UNC45A: variants seen among roughly 807,000 people sequenced by gnomAD.
The protein encoded by UNC45A is protein unc-45 homolog A.
UNC45A carries 78 observed loss-of-function variants against 103.2 expected under a neutral mutation model. That is an observed-to-expected ratio of 0.76 (90% CI 0.63 to 0.91). The LOEUF (loss-of-function observed/expected upper bound fraction) is 0.91, where lower values mean the gene tolerates loss of function less well. UNC45A is among the 40% of genes least tolerant of loss of function. The probability of loss-of-function intolerance (pLI) is 0.00; values close to 1 mark genes in which losing one functional copy is unlikely to be tolerated. For synonymous variants in UNC45A, 495 were observed against 504.6 expected (o/e 0.98, Z 0.25); for missense variants, 1,193 against 1,224.8 (o/e 0.97, Z 0.39).
Position 90,936,480 on chromosome 15 carries a change from A to T in UNC45A, c.426+20A>T. On this transcript the variant is annotated intron_variant, in intron 4 of 19. Coordinates refer to ENST00000418476, the MANE Select transcript of UNC45A (RefSeq NM_018671.5). ...GAGAAGGTATGTGAGTGACCCAGAGAGGTGGAAGCATTGACTGGTGGTGAA... is the reference window on the plus strand; with the variant it reads ...GAGAAGGTATGTGAGTGACCCAGAGTGGTGGAAGCATTGACTGGTGGTGAA... The T allele has an allele frequency of 3.1e-6, 5 of 1,612,032 alleles. No individual in the cohort carries two copies. The highest frequency in any genetic ancestry group is 4.2e-6 in the Non-Finnish European group (5 of 1,178,838).
At chr15:90,953,407 C>A (rs1301678984) in intron 19 of UNC45A, 52 bp from the exon 20 acceptor site, 1 of 1,603,544 alleles carries the variant, frequency 6.2e-7, no homozygotes, top group African/African-American at 1.3e-5. Context: ...GTGTCCCTTG[C>A]CAAGGTTGAG....
At chr15:90,947,460 C>T (rs1274333972) in intron 10 of UNC45A, 2 of 349,216 alleles carry the variant, frequency 5.7e-6, no homozygotes, top group Non-Finnish European at 1.1e-5. Context: ...GTCCTCTCCC[C>T]ACATGCCTCT....
At chr15:90,948,097 G>C (rs750307120) in intron 11 of UNC45A, 45 bp from the exon 12 acceptor site, 1 of 1,609,616 alleles carries the variant, frequency 6.2e-7, no homozygotes, top group Non-Finnish European at 8.5e-7. Flanking sequence ...GTACCCCTCC[G>C]TACCCCCAAT....
intron 5 of UNC45A, 122 bp downstream of exon 5, chr15:90,939,945 C>A: frequency 1.1e-6 from 1 of 883,482 alleles, no homozygotes. Flanking sequence ...CTCACGGGGC[C>A]TGGATGGGAG....
At position 90,935,387 on chromosome 15, in the gene UNC45A, A is replaced by G. The variant is rs1567146794; in HGVS notation, c.51+12A>G. The G allele has an allele frequency of 3.2e-6, 5 of 1,583,862 alleles. No individual in the cohort carries two copies. The South Asian group carries it at 5.7e-5, about 18-fold the overall frequency. ...CGGCCACCCCCGGGGTGCGTACCCA[A>G]CCCCCGCGCCATCACCCCTTCGCAC... On this transcript the variant is annotated intron_variant, in intron 1 of 19. Transcript: ENST00000418476.
At chr15:90,934,721 G>A, upstream of UNC45A, 2 of 398,690 alleles carry the variant, frequency 5.0e-6, no homozygotes, top group Non-Finnish European at 8.8e-6. Context: ...GAAGTTCAGG[G>A]GGCTGTGCAA....
Position 90,948,718 on chromosome 15 carries a change from A to T in UNC45A, c.1802A>T (p.Asp601Val). 6.2e-7 allele frequency: 1 copy of T among 1,614,048 alleles called. No individual in the cohort carries two copies. The highest frequency in any genetic ancestry group is 8.5e-7 in the Non-Finnish European group (1 of 1,180,014). ...SALVNCTNSYDYEEPDPKMVE... is the reference protein window; with the variant it reads ...SALVNCTNSYVYEEPDPKMVE... ...CTGGTGAACTGCACCAACAGCTATG[A>T]CTACGAGGAGCCCGACCCCAAGATG... The change falls in exon 13 of 20, where the codon GAC becomes GTC. Residue 601 changes from aspartate to valine, a missense_variant. Coordinates refer to ENST00000418476, the MANE Select transcript of UNC45A (RefSeq NM_018671.5).
chr15:90,948,855 T>C, intron 13 of UNC45A, 61 bp downstream of exon 13: 1 of 1,398,776 alleles, frequency 7.1e-7, no homozygotes, highest in South Asian at 1.4e-5. Flanking sequence ...ACCCAGGGCA[T>C]CCACAGCAGA....
At chr15:90,948,489 C>A in intron 12 of UNC45A, 165 bp from the exon 13 acceptor site, 1 of 1,313,592 alleles carries the variant, frequency 7.6e-7, no homozygotes, top group Non-Finnish European at 1.0e-6. Flanking sequence ...CTGGGGAGGT[C>A]AAGTTTGTAA....
In UNC45A at chr15:90,946,719, G is replaced by A. The variant is rs532952585; in HGVS notation, c.1305G>A (p.Leu435=). ...PCDAGNRALE[L]SGVMESVIAL... ...ACGCTGGCAACCGGGCCTTGGAGCTGAGCGGTGTCATGGAGAGTGTGATTG... is the reference window on the plus strand; with the variant it reads ...ACGCTGGCAACCGGGCCTTGGAGCTAAGCGGTGTCATGGAGAGTGTGATTG... Residue 435 remains leucine (L), a synonymous_variant, in exon 10 of 20, where the codon CTG becomes CTA. Coordinates refer to ENST00000418476, the MANE Select transcript of UNC45A (RefSeq NM_018671.5). 3.1e-6 allele frequency: 5 copies of A among 1,613,470 alleles called. No homozygotes were observed. In the Admixed American group the frequency reaches 8.3e-5, roughly 27 times the overall value.
chr15:90,937,490 G>GT (rs1040369055), intron 4 of UNC45A, among the ~76,000 whole-genome samples: 155 of 147,450 alleles, frequency 1.1e-3, no homozygotes, highest in Non-Finnish European at 1.4e-3. Context: ...GAAAATAATT[G>GT]TTTTTTTTTT....
intron 17 of UNC45A, among the ~76,000 whole-genome samples, chr15:90,951,137 A>G (rs776477118): frequency 6.6e-6 from 1 of 152,074 alleles, no homozygotes; most frequent in African/African-American, 2.4e-5. Flanking sequence ...CCTCCTGAGT[A>G]GCTGGGATTA....
chr15:90,934,743 G>A (rs1449773512), upstream of UNC45A: 1 of 398,946 alleles, frequency 2.5e-6, no homozygotes, highest in East Asian at 3.6e-5. Flanking sequence ...CTGGTAATGG[G>A]GAGCCATCCT....
At chr15:90,935,254 T>A, upstream of UNC45A, 1 of 1,451,618 alleles carries the variant, frequency 6.9e-7, no homozygotes, top group Non-Finnish European at 9.4e-7. Flanking sequence ...CAGCTGCCGG[T>A]GGCGTCCCGA....
upstream of UNC45A, chr15:90,931,142 T>C (rs1002885222): frequency 9.0e-7 from 1 of 1,116,616 alleles, no homozygotes; most frequent in African/African-American, 1.6e-5. Flanking sequence ...TGAGAAAAAA[T>C]GCAAGTCTTT....
intron 9 of UNC45A, 63 bp downstream of exon 9, chr15:90,945,126 A>G (rs1596228571): frequency 6.3e-7 from 1 of 1,581,168 alleles, no homozygotes; most frequent in East Asian, 2.2e-5. Context: ...TGACTCCTTG[A>G]GGAGGGGCAG....
chr15:90,932,420 C>A, upstream of UNC45A: 6 of 1,335,784 alleles, frequency 4.5e-6, no homozygotes, highest in Non-Finnish European at 4.8e-6. Flanking sequence ...CCGCGGCCGA[C>A]GCGCCCACCG....
upstream of UNC45A, chr15:90,931,340 C>T (rs2035782204): frequency 1.3e-6 from 2 of 1,552,096 alleles, no homozygotes; most frequent in Non-Finnish European, 1.7e-6. Flanking sequence ...CGGTTTGTTC[C>T]CTGAAGCCCC....
At chr15:90,942,383 G>A (rs1262830337) in intron 6 of UNC45A, 54 bp from the exon 7 acceptor site, 2 of 1,551,752 alleles carry the variant, frequency 1.3e-6, no homozygotes, top group Non-Finnish European at 1.7e-6. Flanking sequence ...AGGGATCTCT[G>A]TGGCTGCCCT....
Sources: gnomAD v4.1 joint callset for allele counts (sites outside exome capture counted in the v4.1 genomes callset) on GRCh38, gnomAD v4.1.1 for gene constraint, MANE v1.5 for transcripts, NCBI Gene and HGNC (gene_info 2026-07-23, HGNC 2026-07-21) for gene names.